The following PARD3 variants were observed in gnomAD, a reference collection of about 807,000 sequenced individuals.
PARD3 encodes the protein par-3 family cell polarity regulator.
In PARD3, 75 loss-of-function variants were observed where a neutral mutation model predicts 155.4. The observed-to-expected ratio is 0.48, with a 90% CI of 0.40 to 0.58. The LOEUF (loss-of-function observed/expected upper bound fraction) is 0.58, where lower values mean the gene tolerates loss of function less well. Among genes scored for constraint, PARD3 ranks in the 20% least tolerant of loss-of-function variants. The probability of loss-of-function intolerance (pLI) is 0.00; values close to 1 mark genes in which losing one functional copy is unlikely to be tolerated. For missense variants in PARD3, 1,642 were observed against 1,721.7 expected (o/e 0.95, Z 0.82); for synonymous variants, 576 against 610.5 (o/e 0.94, Z 0.83).
In PARD3 at chr10:34,229,661, C is replaced by CGTGT. The variant is rs57319517; in HGVS notation, c.3419+39992_3419+39995dup. Among the ~76,000 whole-genome samples, 428 of 145,732 alleles carry CGTGT rather than the reference C, an allele frequency of 2.9e-3. 1 individual carries two copies. Among genetic ancestry groups the CGTGT allele is most frequent in the East Asian group, 7.9e-3 (40 of 5,064 alleles). ...CATAATTCTTCTCTAGTTGAGGGTG[C>CGTGT]GTGTGTGTGTGTGTGTGTGTGTGTG... On this transcript the variant is annotated intron_variant, in intron 22 of 24. Coordinates refer to ENST00000374788, the MANE Select transcript of PARD3 (RefSeq NM_001184785.2).
intron 2 of PARD3, among the ~76,000 whole-genome samples, chr10:34,684,516 C>T (rs1427391329): frequency 6.6e-6 from 1 of 152,072 alleles, no homozygotes; most frequent in African/African-American, 2.4e-5. Context: ...CAGTCCCTAC[C>T]TTGGTGAATG....
At chr10:34,253,320 A>G (rs1031529015) in intron 22 of PARD3, among the ~76,000 whole-genome samples, 1 of 152,234 alleles carries the variant, frequency 6.6e-6, no homozygotes, top group African/African-American at 2.4e-5. Flanking sequence ...ATGCTCCAGC[A>G]AAGCCTACAG....
intron 22 of PARD3, among the ~76,000 whole-genome samples, chr10:34,192,865 C>T (rs1950776191): frequency 6.6e-6 from 1 of 152,326 alleles, no homozygotes; most frequent in Middle Eastern, 3.4e-3. Flanking sequence ...CATCCACCCA[C>T]TCTCACTCTC....
At chr10:34,294,049 A>G (rs562790847) in intron 20 of PARD3, among the ~76,000 whole-genome samples, 1 of 151,506 alleles carries the variant, frequency 6.6e-6, no homozygotes, top group African/African-American at 2.4e-5. Context: ...GAAAAAGGAA[A>G]AGGTGGAATG....
intron 24 of PARD3, 149 bp from the exon 25 acceptor site, chr10:34,111,711 G>A (rs186740560): frequency 6.0e-6 from 4 of 671,516 alleles, no homozygotes; most frequent in East Asian, 2.7e-5. Flanking sequence ...GATAGGGGCT[G>A]GAGAATTCAA....
rs551026472 is a variant in PARD3 at position 34,550,407 on chromosome 10, T to G, written c.223-33248A>C. 4.6e-5 allele frequency among the ~76,000 whole-genome samples: 7 copies of G among 152,312 alleles called. No homozygotes were observed. The East Asian group carries it at 1.4e-3, about 29-fold the overall frequency. On this transcript the variant is annotated intron_variant, in intron 2 of 24. Transcript: ENST00000374788. ...TTATATCTGTAGTAGAGACAGGGTCTTGCCATGTTGCCCAGGCTGGTCTCG... is the reference window on the plus strand; with the variant it reads ...TTATATCTGTAGTAGAGACAGGGTCGTGCCATGTTGCCCAGGCTGGTCTCG...
chr10:34,199,072 G>A (rs2133322078), intron 22 of PARD3, among the ~76,000 whole-genome samples: 1 of 152,276 alleles, frequency 6.6e-6, no homozygotes, highest in East Asian at 1.9e-4. Context: ...GAATTAAGAA[G>A]TGGACATTAC....
intron 2 of PARD3, among the ~76,000 whole-genome samples, chr10:34,658,359 GA>G (rs2093235811): frequency 2.0e-5 from 3 of 152,034 alleles, no homozygotes; most frequent in Admixed American, 2.0e-4. Context: ...ATCGAGTAAG[GA>G]AAACAAATCA....
At chr10:34,445,811 G>C (rs1270242585) in intron 5 of PARD3, among the ~76,000 whole-genome samples, 1 of 151,114 alleles carries the variant, frequency 6.6e-6, no homozygotes, top group Non-Finnish European at 1.5e-5. Context: ...GTCCTATTTA[G>C]CTTACTCAAC....
intron 11 of PARD3, among the ~76,000 whole-genome samples, chr10:34,373,310 A>G (rs543240768): frequency 6.6e-6 from 1 of 152,228 alleles, no homozygotes; most frequent in South Asian, 2.1e-4. Context: ...AGAAAAAAAA[A>G]AAGTAGGTAG....
At chr10:34,543,366 A>G (rs2083794055) in intron 2 of PARD3, among the ~76,000 whole-genome samples, 1 of 152,202 alleles carries the variant, frequency 6.6e-6, no homozygotes, top group African/African-American at 2.4e-5. Context: ...ATATAAGCTA[A>G]TAAATGAGAA....
chr10:34,607,124 A>G (rs938111475), intron 2 of PARD3, among the ~76,000 whole-genome samples: 1 of 152,150 alleles, frequency 6.6e-6, no homozygotes, highest in Non-Finnish European at 1.5e-5. Context: ...AAGTTCCTGG[A>G]AAACTAGTAC....
intron 21 of PARD3, among the ~76,000 whole-genome samples, chr10:34,277,491 G>T (rs1564541411): frequency 1.3e-5 from 2 of 152,070 alleles, no homozygotes; most frequent in African/African-American, 4.8e-5. Flanking sequence ...TTTTAAGTGG[G>T]ATTTTAATAT....
intron 3 of PARD3, among the ~76,000 whole-genome samples, chr10:34,499,215 G>A (rs2080503289): frequency 6.6e-6 from 1 of 151,922 alleles, no homozygotes; most frequent in South Asian, 2.1e-4. Flanking sequence ...AAGCAATAAA[G>A]CTTTGTTCTT....
At chr10:34,347,843 T>C (rs1419092671) in intron 15 of PARD3, 122 bp downstream of exon 15, 10 of 687,638 alleles carry the variant, frequency 1.5e-5, no homozygotes, top group Non-Finnish European at 2.1e-5. Flanking sequence ...CTTGAAAACA[T>C]TAATATTTTT....
chr10:34,789,716 C>CA (rs1841417534), intron 1 of PARD3, among the ~76,000 whole-genome samples: 2 of 149,708 alleles, frequency 1.3e-5, no homozygotes, highest in African/African-American at 5.0e-5. Flanking sequence ...CCCGCCCCCC[C>CA]AAAAAAATAA....
At chr10:34,585,773 A>G (rs953859631) in intron 2 of PARD3, among the ~76,000 whole-genome samples, 2 of 152,182 alleles carry the variant, frequency 1.3e-5, no homozygotes, top group Non-Finnish European at 2.9e-5. Context: ...AGAAAACTGA[A>G]AAGTATGTAA....
intron 13 of PARD3, 138 bp downstream of exon 13, chr10:34,359,933 C>G (rs1362809886): frequency 1.5e-6 from 1 of 647,054 alleles, no homozygotes; most frequent in African/African-American, 1.8e-5. Context: ...ACTGATACAC[C>G]TAGTTGTTTA....
At chr10:34,214,738 T>C (rs1951919806) in intron 22 of PARD3, among the ~76,000 whole-genome samples, 1 of 152,230 alleles carries the variant, frequency 6.6e-6, no homozygotes, top group Non-Finnish European at 1.5e-5. Context: ...GAAAGCATCA[T>C]ACAGAGAGGA....
Sources: gnomAD v4.1 joint callset for allele counts (sites outside exome capture counted in the v4.1 genomes callset) on GRCh38, gnomAD v4.1.1 for gene constraint, MANE v1.5 for transcripts, NCBI Gene and HGNC (gene_info 2026-07-23, HGNC 2026-07-21) for gene names.